The following RBFOX1 variants were observed in gnomAD, a reference collection of about 807,000 sequenced individuals.
RBFOX1 encodes RNA binding protein fox-1 homolog 1.
RBFOX1 carries 8 observed loss-of-function variants against 57.7 expected under a neutral mutation model. That is an observed-to-expected ratio of 0.14 (90% CI 0.08 to 0.25). The LOEUF is 0.25. RBFOX1 is among the 10% of genes least tolerant of loss of function. The probability of loss-of-function intolerance (pLI) is 1.00; values close to 1 mark genes in which losing one functional copy is unlikely to be tolerated. For missense variants in RBFOX1, 611 were observed against 548.5 expected (o/e 1.11, Z -1.14); for synonymous variants, 326 against 222.4 (o/e 1.47, Z -4.15).
At chr16:7,091,011 C>G (rs950144955) in intron 4 of RBFOX1, among the ~76,000 whole-genome samples, 4 of 152,178 alleles carry the variant, frequency 2.6e-5, no homozygotes, top group African/African-American at 9.7e-5. Context: ...TTGGCACCTA[C>G]TCATCTAATT....
At chr16:6,978,163 C>T (rs1006999226) in intron 3 of RBFOX1, among the ~76,000 whole-genome samples, 22 of 151,828 alleles carry the variant, frequency 1.4e-4, no homozygotes, top group South Asian at 6.2e-4. Flanking sequence ...CCATGGCATA[C>T]GGCAGTGGAG....
intron 2 of RBFOX1, among the ~76,000 whole-genome samples, chr16:6,578,418 T>C (rs1268966338): frequency 6.6e-6 from 1 of 152,212 alleles, no homozygotes; most frequent in African/African-American, 2.4e-5. Flanking sequence ...CTCATCCATC[T>C]GTCCTTGGCT....
chr16:7,324,603 G>C (rs548027126), intron 4 of RBFOX1, among the ~76,000 whole-genome samples: 2 of 152,318 alleles, frequency 1.3e-5, no homozygotes, highest in South Asian at 4.1e-4. Flanking sequence ...TCTTAGATTT[G>C]CTCATTCAGC....
Position 6,516,759 on chromosome 16 carries a change from C to G in RBFOX1, c.-63-137844C>G, listed in dbSNP as rs371708756. On this transcript the variant is annotated intron_variant, in intron 2 of 15. Coordinates refer to ENST00000550418, the MANE Select transcript of RBFOX1 (RefSeq NM_018723.4). ...CCATTCTCATTGTGGTTTGGGGTAA[C>G]TTCGATTAAAATGCATATATAAACC... Among the ~76,000 whole-genome samples the G allele has an allele frequency of 4.6e-5, 7 of 152,230 alleles. No homozygotes were observed. In the South Asian group the frequency reaches 1.2e-3, roughly 27 times the overall value.
intron 11 of RBFOX1, among the ~76,000 whole-genome samples, chr16:7,642,603 G>T (rs1029689576): frequency 2.0e-5 from 3 of 152,134 alleles, no homozygotes; most frequent in African/African-American, 4.8e-5. Flanking sequence ...GTTTCAGCCA[G>T]CTGTTAGATA....
intron 4 of RBFOX1, among the ~76,000 whole-genome samples, chr16:7,355,072 A>G (rs2146223048): frequency 6.6e-6 from 1 of 152,306 alleles, no homozygotes; most frequent in South Asian, 2.1e-4. Flanking sequence ...GTCTTAGTTA[A>G]TCCTCCCAAA....
intron 2 of RBFOX1, among the ~76,000 whole-genome samples, chr16:6,463,657 G>C (rs1324757705): frequency 6.6e-6 from 1 of 152,296 alleles, no homozygotes; most frequent in Admixed American, 6.5e-5. Flanking sequence ...AATGTCGTGA[G>C]CACCGGTCTC....
At chr16:6,988,752 T>TG (rs1491144560) in intron 3 of RBFOX1, among the ~76,000 whole-genome samples, 9 of 71,780 alleles carry the variant, frequency 1.3e-4, no homozygotes, top group African/African-American at 3.0e-4. Flanking sequence ...TGTTTGTTTG[T>TG]TTTTTGTTTT....
intron 1 of RBFOX1, among the ~76,000 whole-genome samples, chr16:6,080,802 C>T (rs944905407): frequency 3.9e-5 from 6 of 152,152 alleles, no homozygotes; most frequent in African/African-American, 1.4e-4. Context: ...CCGGCCAATT[C>T]CACAGGCTGG....
chr16:7,061,488 A>T (rs374139511), intron 4 of RBFOX1, among the ~76,000 whole-genome samples: 1 of 152,180 alleles, frequency 6.6e-6, no homozygotes, highest in Non-Finnish European at 1.5e-5. Context: ...TTCATTTTTG[A>T]TGCTGAATCT....
intron 4 of RBFOX1, among the ~76,000 whole-genome samples, chr16:7,280,498 C>T (rs539714499): frequency 6.6e-5 from 10 of 152,210 alleles, no homozygotes; most frequent in African/African-American, 2.4e-4. Context: ...GTGCCTCTGC[C>T]ATTAGGTCCT....
At position 6,154,928 on chromosome 16, in the gene RBFOX1, C is replaced by G. The variant is rs78681310; in HGVS notation, c.-127+134936C>G. ...TTTGAAAAAGAATTCAATTAGCAAG[C>G]AACTATATTTTATATTTAATATTCA... On this transcript the variant is annotated intron_variant, in intron 1 of 15. Transcript: ENST00000550418. Among the ~76,000 whole-genome samples, 156 of 152,232 alleles carry G rather than the reference C, an allele frequency of 1.0e-3. 1 individual carries two copies. In the East Asian group the frequency reaches 0.026, roughly 25 times the overall value.
Position 6,520,606 on chromosome 16 carries a change from G to A in RBFOX1, c.-63-133997G>A, listed in dbSNP as rs138712682. Among the ~76,000 whole-genome samples the A allele has an allele frequency of 1.5e-4, 23 of 152,232 alleles. 1 individual carries two copies. Among genetic ancestry groups the A allele is most frequent in the African/African-American group, 5.3e-4 (22 of 41,548 alleles). On this transcript the variant is annotated intron_variant, in intron 2 of 15. Transcript: ENST00000550418. ...AAATAATTCATTAGAAAGATATGTG[G>A]GCACCTTTAGCTTGAAGGGGAGGGC...
intron 2 of RBFOX1, among the ~76,000 whole-genome samples, chr16:6,414,530 C>T (rs536097278): frequency 4.6e-5 from 7 of 152,070 alleles, no homozygotes; most frequent in Non-Finnish European, 8.8e-5. Context: ...AGATAGTTTC[C>T]GGCAGTGACA....
intron 4 of RBFOX1, among the ~76,000 whole-genome samples, chr16:7,350,438 C>A (rs1347812651): frequency 6.6e-6 from 1 of 152,146 alleles, no homozygotes; most frequent in Non-Finnish European, 1.5e-5. Context: ...TCCCATTCCA[C>A]CTTGTAGGGC....
At chr16:7,163,583 C>T (rs1449449061) in intron 4 of RBFOX1, among the ~76,000 whole-genome samples, 1 of 152,052 alleles carries the variant, frequency 6.6e-6, no homozygotes, top group African/African-American at 2.4e-5. Flanking sequence ...CTTTCATCAT[C>T]TCAGTTTCTA....
At chr16:5,820,085 A>G (rs1273891495) in intron 3 of RBFOX1, among the ~76,000 whole-genome samples, 1 of 152,224 alleles carries the variant, frequency 6.6e-6, no homozygotes, top group Admixed American at 6.5e-5. Flanking sequence ...GCGCTTCTGC[A>G]CTATAAATGC....
intron 3 of RBFOX1, among the ~76,000 whole-genome samples, chr16:6,677,497 G>C (rs116986667): frequency 0.026 from 4,026 of 152,192 alleles, 79 homozygotes; most frequent in Non-Finnish European, 0.043. Flanking sequence ...TAAACATCCA[G>C]CCTAAATTAA....
At chr16:6,374,933 T>A (rs2090969580) in intron 2 of RBFOX1, among the ~76,000 whole-genome samples, 1 of 152,230 alleles carries the variant, frequency 6.6e-6, no homozygotes, top group Non-Finnish European at 1.5e-5. Flanking sequence ...TGTTAGCAAC[T>A]GGCAGTTTTA....
Sources: gnomAD v4.1 joint callset for allele counts (sites outside exome capture counted in the v4.1 genomes callset) on GRCh38, gnomAD v4.1.1 for gene constraint, MANE v1.5 for transcripts, NCBI Gene and HGNC (gene_info 2026-07-23, HGNC 2026-07-21) for gene names.